LNPK: variants seen among roughly 807,000 people sequenced by gnomAD.
The protein encoded by LNPK is endoplasmic reticulum junction formation protein lunapark.
Under a neutral mutation model 55.2 loss-of-function variants are expected in LNPK, and 29 were observed. The ratio of observed to expected loss-of-function variants is 0.53; its 90% CI spans 0.39 to 0.72. LNPK has a LOEUF of 0.72. LNPK is among the 30% of genes least tolerant of loss of function. The probability of loss-of-function intolerance (pLI) is 0.00; values close to 1 mark genes in which losing one functional copy is unlikely to be tolerated. For missense variants in LNPK, 467 were observed against 494.8 expected (o/e 0.94, Z 0.53); for synonymous variants, 162 against 168.2 (o/e 0.96, Z 0.29).
intron 2 of LNPK, chr2:175,994,165 T>C (rs1344082191): frequency 3.1e-6 from 3 of 980,320 alleles, no homozygotes; most frequent in Admixed American, 6.2e-5. Flanking sequence ...AAGAGGGTAA[T>C]GAATATCAGT....
chr2:175,944,718 T>A (rs1202891945), intron 9 of LNPK, among the ~76,000 whole-genome samples: 1 of 152,102 alleles, frequency 6.6e-6, no homozygotes, highest in African/African-American at 2.4e-5. Flanking sequence ...TATGACAAAA[T>A]CTTTCAAGTA....
chr2:175,964,197 C>A (rs1312909176), intron 8 of LNPK, among the ~76,000 whole-genome samples, 175 bp downstream of exon 8: 2 of 152,038 alleles, frequency 1.3e-5, no homozygotes, highest in African/African-American at 2.4e-5. Context: ...CCCATAAAAT[C>A]AAAATGAAAT....
intron 1 of LNPK, among the ~76,000 whole-genome samples, chr2:175,997,738 TAAA>T (rs1559079689): frequency 1.1e-4 from 17 of 151,458 alleles, no homozygotes; most frequent in African/African-American, 2.7e-4. Context: ...TGTGTGTGTA[TAAA>T]TATAATTTTT....
intron 1 of LNPK, among the ~76,000 whole-genome samples, chr2:175,997,227 T>C (rs939620502): frequency 2.6e-5 from 4 of 152,212 alleles, no homozygotes; most frequent in African/African-American, 9.6e-5. Flanking sequence ...TTTATAACTA[T>C]AATGAATGTT....
chr2:175,982,693 C>A (rs1349142111), intron 4 of LNPK, among the ~76,000 whole-genome samples: 1 of 152,092 alleles, frequency 6.6e-6, no homozygotes, highest in Non-Finnish European at 1.5e-5. Context: ...TCATGCCTAG[C>A]CCTTTTATAT....
In LNPK at chr2:175,930,029, C is replaced by A. The variant is rs908780802; in HGVS notation, c.1225G>T (p.Val409Phe). Residue 409 changes from valine to phenylalanine, a missense_variant, in exon 13 of 13, where the codon GTT (valine) becomes TTT (phenylalanine). Coordinates refer to ENST00000272748, the MANE Select transcript of LNPK (RefSeq NM_030650.3). ...TCAGGAATAGAATCAGCTCCAGGAA[C>A]TGTGGAGTTGGTTTCAATCACTGAG... ...EASVIETNSTVPGADSIPDPE... is the reference protein window; with the variant it reads ...EASVIETNSTFPGADSIPDPE... 1 of 1,613,912 alleles carries A rather than the reference C, an allele frequency of 6.2e-7. No individual in the cohort carries two copies. The highest frequency in any genetic ancestry group is 1.3e-5 in the African/African-American group (1 of 74,914).
intron 4 of LNPK, among the ~76,000 whole-genome samples, chr2:175,987,537 C>G (rs1687484471): frequency 1.3e-5 from 2 of 151,896 alleles, no homozygotes; most frequent in African/African-American, 2.4e-5. Flanking sequence ...GTGGGGGGAG[C>G]AGGGAGGGAT....
intron 9 of LNPK, among the ~76,000 whole-genome samples, chr2:175,941,790 C>CAAAAAA (rs59162981): frequency 6.7e-3 from 338 of 50,274 alleles, no homozygotes; most frequent in Non-Finnish European, 7.8e-3. Flanking sequence ...GATTCCATCT[C>CAAAAAA]AAAAAAAAAA....
intron 8 of LNPK, among the ~76,000 whole-genome samples, chr2:175,963,446 A>G (rs1180694629): frequency 1.3e-5 from 2 of 152,124 alleles, no homozygotes; most frequent in African/African-American, 4.8e-5. Context: ...TCAGTAAACT[A>G]TCACAAGAAC....
Position 175,937,395 on chromosome 2 carries a change from C to A in LNPK, c.1003G>T (p.Gly335Cys). 1 of 1,613,572 alleles carries A rather than the reference C, an allele frequency of 6.2e-7. No individual in the cohort carries two copies. The highest frequency in any genetic ancestry group is 8.5e-7 in the Non-Finnish European group (1 of 1,179,674). ...RQVVEGSSSV[G>C]PLPSGSVLSS... Reference sequence around the variant, plus strand: ...AGCACACTTCCTGATGGCAAGGGACCAACTGAACTTGAACCTTCCACCACC... The same window carrying A: ...AGCACACTTCCTGATGGCAAGGGACAAACTGAACTTGAACCTTCCACCACC... The change falls in exon 12 of 13, where the codon GGT becomes TGT. Residue 335 changes from glycine (G) to cysteine (C), a missense_variant. Physicochemically the swap from Gly to Cys is radical, Grantham distance 159 (BLOSUM62 -3). Transcript: ENST00000272748.
intron 6 of LNPK, among the ~76,000 whole-genome samples, chr2:175,970,006 TATTGA>T (rs1021954009): frequency 2.4e-4 from 37 of 152,348 alleles, no homozygotes; most frequent in African/African-American, 6.7e-4. Context: ...GACTAAAATA[TATTGA>T]ATTGATCATT....
rs1416965879 is a variant in LNPK at position 175,941,838 on chromosome 2, T to TA, written c.707-2182dup. Among the ~76,000 whole-genome samples, 355 of 80,824 alleles carry TA rather than the reference T, an allele frequency of 4.4e-3. 5 individuals carry two copies. The highest frequency in any genetic ancestry group is 0.014 in the African/African-American group (270 of 18,840). 53.0% of individuals were successfully genotyped at this position (80,824 alleles called of 152,430 possible). ...AGAAAAAGAAGAGAGAGAGAAATCT[T>TA]AAAAAAAAAAAACAAAAAAAAAATA... On this transcript the variant is annotated intron_variant, in intron 9 of 12. Transcript: ENST00000272748.
chr2:175,934,542 T>C (rs954456789), intron 12 of LNPK, among the ~76,000 whole-genome samples: 2 of 152,052 alleles, frequency 1.3e-5, no homozygotes, highest in Admixed American at 1.3e-4. Context: ...ATATTAACAG[T>C]AACATTTTGT....
At position 175,926,723 on chromosome 2, in the gene LNPK, C is replaced by G. The variant is rs1470281771; in HGVS notation, c.*3244G>C. The G allele has an allele frequency of 6.6e-6, 1 of 152,036 alleles. No homozygotes were observed. Among genetic ancestry groups the G allele is most frequent in the African/African-American group, 2.4e-5 (1 of 41,388 alleles). The allele number at this position is 152,036 out of a possible 1,614,324, so 9.4% of individuals were successfully genotyped here. A position where few individuals can be genotyped will look rare whatever the true frequency, so the allele number is the denominator to read the frequency against. On this transcript the variant is annotated 3_prime_UTR_variant, in exon 13 of 13. Transcript: ENST00000272748. ...ATCATCATTATTAATGCAATGTGAA[C>G]AGAGAAATGAGAATATAACTAGAAG...
At chr2:175,984,901 T>C (rs1455354164) in intron 4 of LNPK, among the ~76,000 whole-genome samples, 1 of 152,246 alleles carries the variant, frequency 6.6e-6, no homozygotes, top group Non-Finnish European at 1.5e-5. Context: ...ATACAAAAAC[T>C]TGTACAAAAT....
intron 8 of LNPK, among the ~76,000 whole-genome samples, chr2:175,951,554 CT>C (rs1226923389): frequency 7.9e-6 from 1 of 127,078 alleles, no homozygotes; most frequent in Non-Finnish European, 1.7e-5. Context: ...TAATTCATTC[CT>C]TTTTATGGCT....
At chr2:175,938,790 T>C (rs187627422) in intron 10 of LNPK, 1 of 153,492 alleles carries the variant, frequency 6.5e-6, no homozygotes, top group Admixed American at 6.5e-5. Flanking sequence ...TGAATATTAT[T>C]AAAACCTGAG....
intron 5 of LNPK, among the ~76,000 whole-genome samples, chr2:175,975,185 G>A (rs966045970): frequency 1.3e-5 from 2 of 151,866 alleles, no homozygotes; most frequent in Admixed American, 1.3e-4. Context: ...TAAAACTACA[G>A]CAAACATCAT....
intron 2 of LNPK, among the ~76,000 whole-genome samples, chr2:175,995,106 G>C (rs1246334210): frequency 1.3e-5 from 2 of 151,796 alleles, no homozygotes; most frequent in African/African-American, 4.8e-5. Flanking sequence ...ATTTTTAGTA[G>C]AGACGGGGTT....
Sources: allele counts gnomAD v4.1 joint callset (sites outside exome capture counted in the v4.1 genomes callset), GRCh38; gene constraint gnomAD v4.1.1; transcripts MANE v1.5; gene names NCBI Gene and HGNC (gene_info 2026-07-23, HGNC 2026-07-21).